Variants in FOXP2 observed in about 807,000 individuals in gnomAD.
FOXP2 encodes forkhead box protein P2.
Under a neutral mutation model 115.8 loss-of-function variants are expected in FOXP2, and 12 were observed. The ratio of observed to expected loss-of-function variants is 0.10; its 90% CI spans 0.07 to 0.17. The LOEUF is 0.17. FOXP2 is among the 10% of genes least tolerant of loss of function. FOXP2 has a pLI of 1.00. For synonymous variants in FOXP2, 328 were observed against 297.7 expected (o/e 1.10, Z -1.05); for missense variants, 629 against 843.5 (o/e 0.75, Z 3.15).
In FOXP2 at chr7:114,629,953, AGC is replaced by A; in HGVS notation, c.546_547del (p.Gln183AlafsTer82). 1 of 1,612,186 alleles carries A rather than the reference AGC, an allele frequency of 6.2e-7. No individual in the cohort carries two copies. Among genetic ancestry groups the A allele is most frequent in the Non-Finnish European group, 8.5e-7 (1 of 1,179,190 alleles). ...CAACAGCAGCAACAACAGCAGCAGC[AGC>A]AGCAACAGCAGCAGCAGCAGCAACA... On this transcript the variant is annotated frameshift_variant, in exon 5 of 17. Coordinates refer to ENST00000350908, the MANE Select transcript of FOXP2 (RefSeq NM_014491.4). LOFTEE classifies it high-confidence loss of function.
intron 1 of FOXP2, among the ~76,000 whole-genome samples, chr7:114,156,724 T>G (rs747723626): frequency 6.6e-6 from 1 of 152,156 alleles, no homozygotes; most frequent in Non-Finnish European, 1.5e-5. Flanking sequence ...CTTCAAATAT[T>G]TTTCAAACTT....
At chr7:114,384,515 T>A (rs1329434204) in intron 2 of FOXP2, among the ~76,000 whole-genome samples, 2 of 152,090 alleles carry the variant, frequency 1.3e-5, no homozygotes, top group Non-Finnish European at 2.9e-5. Flanking sequence ...TGAATACCCA[T>A]TGTATTCAGT....
At chr7:114,210,143 C>T (rs186173079) in intron 1 of FOXP2, among the ~76,000 whole-genome samples, 16 of 152,318 alleles carry the variant, frequency 1.1e-4, no homozygotes, top group Non-Finnish European at 1.9e-4. Flanking sequence ...ATTCATCCAT[C>T]TTAGCCTTAG....
chr7:114,515,597 C>A (rs1420704063), intron 2 of FOXP2, among the ~76,000 whole-genome samples: 38 of 151,682 alleles, frequency 2.5e-4, no homozygotes, highest in African/African-American at 9.0e-4. Flanking sequence ...TGTTTGAGTT[C>A]ATTGTAGATT....
chr7:114,102,696 C>CACACACACACACACA (rs1554414685), intron 1 of FOXP2, among the ~76,000 whole-genome samples: 2 of 136,388 alleles, frequency 1.5e-5, no homozygotes, highest in African/African-American at 5.4e-5. Flanking sequence ...ACACCACACA[C>CACACACACACACACA]CACACACACA....
chr7:114,491,008 T>C (rs140629254), intron 2 of FOXP2, among the ~76,000 whole-genome samples: 14,068 of 152,276 alleles, frequency 0.092, 692 homozygotes, highest in Middle Eastern at 0.17. Flanking sequence ...TATAATCCTT[T>C]GGGTATATAC....
At chr7:114,521,024 A>G (rs1296798677) in intron 2 of FOXP2, among the ~76,000 whole-genome samples, 1 of 152,170 alleles carries the variant, frequency 6.6e-6, no homozygotes, top group Non-Finnish European at 1.5e-5. Flanking sequence ...AGAGGATTGT[A>G]TTAAAGAAAA....
At chr7:114,632,431 CTG>C (rs887637499) in intron 6 of FOXP2, among the ~76,000 whole-genome samples, 1 of 152,132 alleles carries the variant, frequency 6.6e-6, no homozygotes, top group Non-Finnish European at 1.5e-5. Context: ...AAACAAATGA[CTG>C]TGTGCTAAAA....
chr7:114,444,071 T>C (rs1307021449), intron 2 of FOXP2, among the ~76,000 whole-genome samples: 1 of 152,148 alleles, frequency 6.6e-6, no homozygotes, highest in African/African-American at 2.4e-5. Flanking sequence ...AATCCTAAGC[T>C]AGAATGTAAG....
At chr7:114,629,639 A>C (rs1166553919) in intron 4 of FOXP2, 166 bp from the exon 5 acceptor site, 3 of 1,591,188 alleles carry the variant, frequency 1.9e-6, no homozygotes, top group Non-Finnish European at 1.7e-6. Flanking sequence ...CCTTGGAAAA[A>C]AATGTATGTA....
chr7:114,577,509 GC>G (rs1238679938), intron 3 of FOXP2, among the ~76,000 whole-genome samples: 1 of 151,906 alleles, frequency 6.6e-6, no homozygotes, highest in Non-Finnish European at 1.5e-5. Context: ...CTTATACCAA[GC>G]TAGAGAATTC....
chr7:114,176,298 T>TTCTTTCTTTCTTTCTTTCTTTCTCTC (rs368923204), intron 1 of FOXP2, among the ~76,000 whole-genome samples: 24 of 76,572 alleles, frequency 3.1e-4, no homozygotes, highest in African/African-American at 1.2e-3. Flanking sequence ...CTTTCTTTCT[T>TTCTTTCTTTCTTTCTTTCTTTCTCTC]TCTCTCTCTC....
intron 1 of FOXP2, among the ~76,000 whole-genome samples, chr7:114,155,382 C>G (rs561121180): frequency 1.4e-4 from 22 of 152,188 alleles, no homozygotes; most frequent in African/African-American, 3.6e-4. Context: ...CAATAAGACA[C>G]CAAATTCCAA....
intron 16 of FOXP2, among the ~76,000 whole-genome samples, chr7:114,685,089 A>G (rs890180192): frequency 6.6e-6 from 1 of 152,076 alleles, no homozygotes; most frequent in Non-Finnish European, 1.5e-5. Flanking sequence ...GAAATCACCT[A>G]TGGGTATACA....
chr7:114,087,447 G>A (rs1234615431), upstream of FOXP2, among the ~76,000 whole-genome samples: 1 of 139,616 alleles, frequency 7.2e-6, no homozygotes, highest in African/African-American at 2.9e-5. Context: ...GGTTTGGGGT[G>A]AAATCGCACC....
At chr7:114,372,179 T>G (rs1792024339) in intron 2 of FOXP2, among the ~76,000 whole-genome samples, 1 of 152,160 alleles carries the variant, frequency 6.6e-6, no homozygotes, top group Admixed American at 6.5e-5. Context: ...CCAGGAAAAC[T>G]TAACTATAAC....
chr7:114,482,855 C>T (rs1796617833), intron 2 of FOXP2, among the ~76,000 whole-genome samples: 1 of 151,590 alleles, frequency 6.6e-6, no homozygotes, highest in Non-Finnish European at 1.5e-5. Flanking sequence ...TGTTGCCACT[C>T]ACATTTAATA....
At chr7:114,142,189 GTTT>G (rs894246737) in intron 1 of FOXP2, among the ~76,000 whole-genome samples, 7 of 151,954 alleles carry the variant, frequency 4.6e-5, no homozygotes, top group Admixed American at 3.9e-4. Context: ...CGTCCAGCCA[GTTT>G]TTGTGTTTTT....
intron 2 of FOXP2, among the ~76,000 whole-genome samples, chr7:114,439,054 G>A (rs1430683264): frequency 2.0e-5 from 3 of 152,130 alleles, no homozygotes; most frequent in African/African-American, 7.2e-5. Context: ...AAAAGACAAA[G>A]TACCTTGGTA....
Sources: allele counts gnomAD v4.1 joint callset (sites outside exome capture counted in the v4.1 genomes callset), GRCh38; gene constraint gnomAD v4.1.1; transcripts MANE v1.5; gene names NCBI Gene and HGNC (gene_info 2026-07-23, HGNC 2026-07-21).